Variants in NAE1 observed in about 807,000 individuals in gnomAD.
The protein encoded by NAE1 is NEDD8 activating enzyme E1 subunit 1, also known as NEDD8-activating enzyme E1 regulatory subunit.
A neutral mutation model predicts 88.0 loss-of-function variants in NAE1; 59 were observed. That is an observed-to-expected ratio of 0.67 (90% CI 0.54 to 0.83). The LOEUF (loss-of-function observed/expected upper bound fraction) is 0.83. Ranked by LOEUF, NAE1 falls within the 40% of genes least tolerant of loss-of-function variation. The pLI is 0.00. For missense variants in NAE1, 554 were observed against 632.8 expected, an observed-to-expected ratio of 0.88 and a Z score of 1.34; for synonymous variants, 186 against 208.9, an observed-to-expected ratio of 0.89 and a Z score of 0.95.
intron 1 of NAE1, among the ~76,000 whole-genome samples, chr16:66,830,187 T>C (rs879625160): frequency 6.6e-5 from 10 of 152,038 alleles, no homozygotes; most frequent in Non-Finnish European, 1.5e-4. Context: ...GTGCCGGTCC[T>C]CCAAGACAGT....
At chr16:66,810,799 A>G in intron 13 of NAE1, 27 bp from the exon 14 acceptor site, 1 of 1,598,122 alleles carries the variant, frequency 6.3e-7, no homozygotes, top group Non-Finnish European at 8.5e-7. Flanking sequence ...AGCAATTACT[A>G]ACAAATTTTT....
intron 3 of NAE1, 47 bp downstream of exon 3, chr16:66,826,476 G>C: frequency 1.3e-6 from 2 of 1,580,548 alleles, no homozygotes. Flanking sequence ...TAAGACTCAG[G>C]CCTTGCCTTC....
At chr16:66,829,824 A>C (rs1240751389) in intron 1 of NAE1, among the ~76,000 whole-genome samples, 2 of 152,268 alleles carry the variant, frequency 1.3e-5, no homozygotes, top group African/African-American at 4.8e-5. Context: ...ACTGAGCACA[A>C]GCAATGAGGC....
chr16:66,830,789 C>A, intron 1 of NAE1, 58 bp downstream of exon 1: 3 of 1,479,476 alleles, frequency 2.0e-6, no homozygotes, highest in Non-Finnish European at 2.7e-6. Context: ...CCCTTAGGCC[C>A]GGCCCGAATG....
intron 13 of NAE1, among the ~76,000 whole-genome samples, chr16:66,812,340 TTGTG>T (rs1409554510): frequency 3.3e-5 from 5 of 152,062 alleles, no homozygotes; most frequent in Admixed American, 2.6e-4. Context: ...GTTGTGAACC[TTGTG>T]TGTGTGTTAA....
intron 4 of NAE1, 76 bp from the exon 5 acceptor site, chr16:66,823,676 G>A: frequency 8.9e-7 from 1 of 1,128,686 alleles, no homozygotes; most frequent in African/African-American, 1.6e-5. Flanking sequence ...TATGGAACAG[G>A]CAAACATACT....
chr16:66,817,300 C>A, intron 9 of NAE1, 125 bp downstream of exon 9: 1 of 875,592 alleles, frequency 1.1e-6, no homozygotes, highest in South Asian at 1.6e-5. Context: ...TTAAAAGCAT[C>A]CATTTGCCCT....
At chr16:66,821,697 A>T in intron 6 of NAE1, 138 bp from the exon 7 acceptor site, 1 of 652,068 alleles carries the variant, frequency 1.5e-6, no homozygotes, top group Non-Finnish European at 2.4e-6. Flanking sequence ...CTGCATTTAC[A>T]TAAGCAGGTC....
intron 13 of NAE1, among the ~76,000 whole-genome samples, chr16:66,812,650 T>C (rs1271048131): frequency 6.6e-6 from 1 of 150,900 alleles, no homozygotes; most frequent in East Asian, 1.9e-4. Flanking sequence ...CCCGAATAGC[T>C]GGGACTACAG....
At chr16:66,808,485 T>A in intron 17 of NAE1, 36 bp downstream of exon 17, 2 of 1,288,396 alleles carry the variant, frequency 1.6e-6, no homozygotes, top group Non-Finnish European at 2.2e-6. Context: ...TTATTGAAGA[T>A]CTTATTATAT....
chr16:66,810,540 A>T (rs1446048210), intron 14 of NAE1, 127 bp from the exon 15 acceptor site: 2 of 1,125,466 alleles, frequency 1.8e-6, no homozygotes, highest in Non-Finnish European at 1.3e-6. Context: ...CTTTAAAAAT[A>T]TCTTGTTTCC....
intron 1 of NAE1, among the ~76,000 whole-genome samples, chr16:66,828,490 C>CA (rs1323582340): frequency 0.015 from 917 of 59,864 alleles, 6 homozygotes; most frequent in African/African-American, 0.038. Context: ...GACTCCGTCT[C>CA]AAAAAAAAAA....
At position 66,810,700 on chromosome 16, in the gene NAE1, G is replaced by C. The variant is rs1285622527; in HGVS notation, c.1107C>G (p.Gly369=). ...CACAGTGTGCCCAGTAGCTTACCTG[G>C]CCAATGGACTGCAGCAATTTGGCAA... ...NHVAKLLQSI[G]QAPESISEKE... Residue 369 remains glycine (G), a synonymous_variant, in exon 14 of 20, where the codon GGC becomes GGG. Coordinates refer to ENST00000290810, the MANE Select transcript of NAE1 (RefSeq NM_003905.4). 2.5e-6 allele frequency: 4 copies of C among 1,613,890 alleles called. No individual in the cohort carries two copies. In the South Asian group the frequency reaches 3.3e-5, roughly 13 times the overall value.
chr16:66,808,771 A>T (rs1010803145), intron 16 of NAE1, 158 bp from the exon 17 acceptor site: 5 of 648,336 alleles, frequency 7.7e-6, no homozygotes, highest in Non-Finnish European at 1.3e-5. Context: ...CATACATATC[A>T]CACAATGGAC....
intron 7 of NAE1, 121 bp downstream of exon 7, chr16:66,821,329 C>T: frequency 4.0e-6 from 5 of 1,256,976 alleles, no homozygotes; most frequent in Non-Finnish European, 5.2e-6. Flanking sequence ...TTTGAATCTG[C>T]AACTAGAGAT....
chr16:66,804,239 AAAC>A (rs1482754176), intron 19 of NAE1, among the ~76,000 whole-genome samples: 2 of 114,458 alleles, frequency 1.7e-5, no homozygotes, highest in Non-Finnish European at 3.4e-5. Context: ...CAGAAGTAAA[AAAC>A]AAAAAAAAAA....
chr16:66,809,077 T>A lies in NAE1; in HGVS notation c.1151-2A>T. 1 of 1,606,076 alleles carries A rather than the reference T, an allele frequency of 6.2e-7. No homozygotes were observed. Among genetic ancestry groups the A allele is most frequent in the Non-Finnish European group, 8.5e-7 (1 of 1,174,634 alleles). On this transcript the variant is annotated splice_acceptor_variant, in intron 15 of 19. Coordinates refer to ENST00000290810, the MANE Select transcript of NAE1 (RefSeq NM_003905.4). LOFTEE classifies it high-confidence loss of function. ...CTCGAAGAAATGCAGAATTGCTGCC[T>A]GAACAGAGGAAAGATATTCTGGAAG...
intron 19 of NAE1, among the ~76,000 whole-genome samples, chr16:66,804,811 A>ATT (rs34906669): frequency 1.3e-3 from 197 of 150,348 alleles, no homozygotes; most frequent in African/African-American, 3.7e-3. Context: ...TTCTCTTGCC[A>ATT]TTTTTTTTTT....
chr16:66,807,125 C>T (rs1168856575), intron 17 of NAE1, among the ~76,000 whole-genome samples: 1 of 152,150 alleles, frequency 6.6e-6, no homozygotes, highest in East Asian at 1.9e-4. Flanking sequence ...AGAATGACTC[C>T]ACCCCCAGGC....
Sources: allele counts gnomAD v4.1 joint callset (sites outside exome capture counted in the v4.1 genomes callset), GRCh38; gene constraint gnomAD v4.1.1; transcripts MANE v1.5; gene names NCBI Gene and HGNC (gene_info 2026-07-23, HGNC 2026-07-21).